Variants in ZNF700 observed in about 807,000 individuals in gnomAD.
ZNF700 encodes the protein zinc finger protein 700.
In ZNF700, 38 loss-of-function variants were observed where a neutral mutation model predicts 65.3. The observed-to-expected ratio is 0.58, with a 90% CI of 0.45 to 0.76. The LOEUF is 0.76. Among genes scored for constraint, ZNF700 ranks in the 30% least tolerant of loss-of-function variants. The pLI is 0.00. For synonymous variants in ZNF700, 285 were observed against 290.4 expected (o/e 0.98, Z 0.19); for missense variants, 857 against 888.4 (o/e 0.96, Z 0.45).
At position 11,937,646 on chromosome 19, in the gene ZNF700, G is replaced by A. The variant is rs1017051865; in HGVS notation, c.64-9535G>A. Among the ~76,000 whole-genome samples, 18 of 151,030 alleles carry A rather than the reference G, an allele frequency of 1.2e-4. 1 individual carries two copies. The highest frequency in any genetic ancestry group is 5.3e-4 in the Admixed American group (8 of 15,178). ...TGAGACTACAGGTGCCTACCACCAC[G>A]CTTGGCTAATTTTTTGTATTTTTAG... On this transcript the variant is annotated intron_variant, in intron 1 of 3. Transcript: ENST00000254321.
intron 1 of ZNF700, among the ~76,000 whole-genome samples, chr19:11,943,988 C>T (rs1972922541): frequency 1.3e-5 from 2 of 151,904 alleles, no homozygotes; most frequent in Non-Finnish European, 2.9e-5. Flanking sequence ...TGTGGTGGAT[C>T]CAGGCCGGGA....
At chr19:11,947,405 C>T (rs971847884) in intron 2 of ZNF700, 98 bp downstream of exon 2, 6 of 1,603,804 alleles carry the variant, frequency 3.7e-6, no homozygotes, top group South Asian at 1.1e-5. Context: ...CAGGAAATAC[C>T]TTGATGAATA....
chr19:11,937,424 T>G (rs1368191514), intron 1 of ZNF700, among the ~76,000 whole-genome samples: 3 of 152,080 alleles, frequency 2.0e-5, no homozygotes, highest in Non-Finnish European at 2.9e-5. Flanking sequence ...ATGACCTGTC[T>G]GCCTTGGCCT....
chr19:11,935,276 G>A (rs1195265062), intron 1 of ZNF700, among the ~76,000 whole-genome samples: 1 of 108,170 alleles, frequency 9.2e-6, no homozygotes, highest in Non-Finnish European at 1.7e-5. Flanking sequence ...TGGCTCTGTT[G>A]CCCAGTCTGG....
At chr19:11,933,089 A>T (rs1312471722) in intron 1 of ZNF700, among the ~76,000 whole-genome samples, 2 of 147,922 alleles carry the variant, frequency 1.4e-5, no homozygotes, top group African/African-American at 5.3e-5. Flanking sequence ...GAGTTCCCTC[A>T]TTTTTCTTCC....
intron 1 of ZNF700, 64 bp from the exon 2 acceptor site, chr19:11,947,117 A>T: frequency 6.4e-7 from 1 of 1,563,540 alleles, no homozygotes; most frequent in Non-Finnish European, 8.6e-7. Flanking sequence ...TCTTGGGAAT[A>T]GAGTCTAGGC....
At chr19:11,934,856 A>G (rs1342594259) in intron 1 of ZNF700, among the ~76,000 whole-genome samples, 2 of 146,382 alleles carry the variant, frequency 1.4e-5, no homozygotes, top group East Asian at 2.0e-4. Flanking sequence ...ATGACACGTG[A>G]TGTAGAGCAT....
Position 11,947,496 on chromosome 19 carries a change from TC to T in ZNF700, c.191-17del. 1 of 1,611,608 alleles carries T rather than the reference TC, an allele frequency of 6.2e-7. No individual in the cohort carries two copies. Reference sequence around the variant, plus strand: ...TTTTATACTGCTTCAGGACTATTTTTCTGTGTCTGTATTTTAGGAAAAAAAT... The same window carrying T: ...TTTTATACTGCTTCAGGACTATTTTTTGTGTCTGTATTTTAGGAAAAAAAT... On this transcript the variant is annotated splice_polypyrimidine_tract_variant and intron_variant, in intron 2 of 3. Coordinates refer to ENST00000254321, the MANE Select transcript of ZNF700 (RefSeq NM_144566.3).
chr19:11,942,949 C>T (rs966874936), intron 1 of ZNF700, among the ~76,000 whole-genome samples: 1 of 152,294 alleles, frequency 6.6e-6, no homozygotes, highest in South Asian at 2.1e-4. Flanking sequence ...GGAGTTCTCA[C>T]TTTCATCCTT....
chr19:11,947,703 A>T, intron 3 of ZNF700, 129 bp downstream of exon 3: 1 of 980,740 alleles, frequency 1.0e-6, no homozygotes, highest in Non-Finnish European at 1.5e-6. Flanking sequence ...ATATTTTCTC[A>T]AAAAACATAT....
intron 1 of ZNF700, among the ~76,000 whole-genome samples, chr19:11,939,761 G>A (rs1393415170): frequency 2.6e-5 from 4 of 151,250 alleles, no homozygotes; most frequent in Non-Finnish European, 5.9e-5. Flanking sequence ...ACACCTGGCT[G>A]CTACCATGAT....
At chr19:11,947,796 A>G (rs1972985043) in intron 3 of ZNF700, among the ~76,000 whole-genome samples, 1 of 152,326 alleles carries the variant, frequency 6.6e-6, no homozygotes, top group Non-Finnish European at 1.5e-5. Flanking sequence ...GCTTGAGGCC[A>G]TCAGTTCCAG....
chr19:11,925,403 G>T, intron 1 of ZNF700, 130 bp downstream of exon 1: 2 of 1,426,076 alleles, frequency 1.4e-6, no homozygotes, highest in South Asian at 1.3e-5. Context: ...TCCTTGAGCA[G>T]TTCGGCCCTC....
At chr19:11,933,777 G>A (rs781732441) in intron 1 of ZNF700, among the ~76,000 whole-genome samples, 3 of 145,662 alleles carry the variant, frequency 2.1e-5, no homozygotes, top group Admixed American at 6.7e-5. Context: ...CCCAGGAGGC[G>A]GAGCTTGCAG....
In ZNF700 at chr19:11,925,219, C is replaced by T. The variant is rs1395001827; in HGVS notation, c.9C>T (p.Cys3=). 2 of 1,612,714 alleles carry T rather than the reference C, an allele frequency of 1.2e-6. No homozygotes were observed. Among genetic ancestry groups the T allele is most frequent in the Non-Finnish European group, 1.7e-6 (2 of 1,179,198 alleles). MP[C]CSHRSCREDP... ...GCTCTGTCGCCTGCGCTATGCCCTGCTGTAGTCACAGGAGCTGTAGAGAGG... is the reference window on the plus strand; with the variant it reads ...GCTCTGTCGCCTGCGCTATGCCCTGTTGTAGTCACAGGAGCTGTAGAGAGG... Residue 3 remains cysteine, a synonymous_variant, in exon 1 of 4, where the codon TGC becomes TGT. Transcript: ENST00000254321.
At chr19:11,948,236 G>C (rs745986633) in intron 3 of ZNF700, 40 bp from the exon 4 acceptor site, 7 of 1,591,584 alleles carry the variant, frequency 4.4e-6, no homozygotes, top group African/African-American at 1.4e-5. Context: ...AGAAGTACTT[G>C]TAAACAAACC....
chr19:11,945,892 A>G (rs1972951931), intron 1 of ZNF700, among the ~76,000 whole-genome samples: 1 of 152,086 alleles, frequency 6.6e-6, no homozygotes, highest in Non-Finnish European at 1.5e-5. Flanking sequence ...ATGTACCCCT[A>G]TAGTACAAGT....
At chr19:11,938,997 T>C (rs1292954681) in intron 1 of ZNF700, among the ~76,000 whole-genome samples, 2 of 152,248 alleles carry the variant, frequency 1.3e-5, no homozygotes, top group Admixed American at 6.5e-5. Context: ...CATTTTTCCA[T>C]GTGTCTGTTG....
At chr19:11,928,719 G>T (rs1160142383) in intron 1 of ZNF700, among the ~76,000 whole-genome samples, 4 of 131,158 alleles carry the variant, frequency 3.0e-5, no homozygotes, top group Admixed American at 3.0e-4. Flanking sequence ...GCGACAGAGC[G>T]AGACTCCGTC....
Sources: gnomAD v4.1 joint callset for allele counts (sites outside exome capture counted in the v4.1 genomes callset) on GRCh38, gnomAD v4.1.1 for gene constraint, MANE v1.5 for transcripts, NCBI Gene and HGNC (gene_info 2026-07-23, HGNC 2026-07-21) for gene names.